The following C16orf46 variants were observed in gnomAD, a reference collection of about 807,000 sequenced individuals.
The protein encoded by C16orf46 is uncharacterized protein C16orf46.
C16orf46 carries 7 observed loss-of-function variants against 5.5 expected under a neutral mutation model. The ratio of observed to expected loss-of-function variants is 1.28; its 90% CI spans 0.73 to 2.40. The LOEUF is 2.40. Among genes scored for constraint, C16orf46 ranks in the 30% most tolerant of loss-of-function variants. The pLI, the probability that C16orf46 is intolerant of heterozygous loss-of-function variation, is 0.00. For missense variants in C16orf46, 614 were observed against 476.0 expected, an observed-to-expected ratio of 1.29 and a Z score of -2.70; for synonymous variants, 200 against 184.1, an observed-to-expected ratio of 1.09 and a Z score of -0.70.
At position 81,061,618 on chromosome 16, in the gene C16orf46, T is replaced by C; in HGVS notation, c.731A>G (p.Glu244Gly). The part of the protein sequence containing the change: ...LQSEEKVLDV[E>G]KDGCVAYAYG... ...TGCATAAGCCACACACCCATCCTTT[T>C]CCACATCCAGCACCTTCTCTTCTGA... Residue 244 changes from glutamate to glycine, a missense_variant, in exon 4 of 4, where the codon GAA (glutamate) becomes GGA (glycine). Physicochemically the swap from Glu to Gly is moderately conservative, Grantham distance 98 (BLOSUM62 -2). Coordinates refer to ENST00000299578, the MANE Select transcript of C16orf46 (RefSeq NM_152337.3). The C allele has an allele frequency of 6.2e-7, 1 of 1,614,210 alleles. No homozygotes were observed. Among genetic ancestry groups the C allele is most frequent in the Non-Finnish European group, 8.5e-7 (1 of 1,180,040 alleles).
chr16:81,055,757 T>C (rs1046697489), intron 3 of C16orf46, among the ~76,000 whole-genome samples: 4 of 152,146 alleles, frequency 2.6e-5, no homozygotes, highest in Admixed American at 2.6e-4. Flanking sequence ...TGTCGCTCTG[T>C]CACCCAAGCT....
At chr16:81,057,626 G>A (rs1971337895), downstream of C16orf46, among the ~76,000 whole-genome samples, 1 of 151,814 alleles carries the variant, frequency 6.6e-6, no homozygotes, top group Non-Finnish European at 1.5e-5. Flanking sequence ...ATTTCTTTAG[G>A]GTTTTTACCA....
Position 81,061,686 on chromosome 16 carries a change from A to C in C16orf46, c.663T>G (p.Ala221=), listed in dbSNP as rs1320887733. The C allele has an allele frequency of 6.2e-7, 1 of 1,614,058 alleles. No individual in the cohort carries two copies. Among genetic ancestry groups the C allele is most frequent in the Non-Finnish European group, 8.5e-7 (1 of 1,180,054 alleles). ...TACTCTTCTTACCCAGAACATCCAAAGCATTTGAAAGTGAAGCCTTCAGGG... is the reference window on the plus strand; with the variant it reads ...TACTCTTCTTACCCAGAACATCCAACGCATTTGAAAGTGAAGCCTTCAGGG... ...LPPLKASLSN[A]LDVLGKKSKN... Residue 221 remains alanine (A), a synonymous_variant, in exon 4 of 4, where the codon GCT becomes GCG. Transcript: ENST00000299578.
In C16orf46 at chr16:81,061,515, C is replaced by G; in HGVS notation, c.834G>C (p.Thr278=). ...GGGCCGCTGGGGAAGGGGAGGATGG[C>G]GTGTCGTTGACCATAGGGTGTTTGG... The part of the protein sequence containing the change: ...ELAKHPMVND[T]PSSPSPAAQI... The change falls in exon 4 of 4, where the codon ACG becomes ACC. Residue 278 remains threonine (T), a synonymous_variant. Transcript: ENST00000299578. 1 of 1,614,104 alleles carries G rather than the reference C, an allele frequency of 6.2e-7. No individual in the cohort carries two copies. Among genetic ancestry groups the G allele is most frequent in the Non-Finnish European group, 8.5e-7 (1 of 1,179,996 alleles).
At chr16:81,069,168 T>C (rs1165408349) in intron 1 of C16orf46, among the ~76,000 whole-genome samples, 4 of 152,212 alleles carry the variant, frequency 2.6e-5, no homozygotes, top group African/African-American at 9.7e-5. Flanking sequence ...CAGGCTCTTT[T>C]TGAAGAAGGC....
chr16:81,055,790 G>A (rs905355839), intron 3 of C16orf46, among the ~76,000 whole-genome samples: 2 of 152,212 alleles, frequency 1.3e-5, no homozygotes, highest in African/African-American at 2.4e-5. Context: ...TGGAATCTCA[G>A]CTCACTGCAA....
chr16:81,059,943 C>T (rs917172964), downstream of C16orf46, among the ~76,000 whole-genome samples: 2 of 152,056 alleles, frequency 1.3e-5, no homozygotes, highest in East Asian at 3.9e-4. Flanking sequence ...AGCCCGCCAC[C>T]ACGCCCGGCT....
At chr16:81,060,948 G>C (rs1971442364), downstream of C16orf46, 1 of 1,338,648 alleles carries the variant, frequency 7.5e-7, no homozygotes. Context: ...ACATGAATAT[G>C]GTGTTTTAGA....
chr16:81,058,722 A>T (rs999280094), downstream of C16orf46, among the ~76,000 whole-genome samples: 3 of 152,250 alleles, frequency 2.0e-5, no homozygotes, highest in Non-Finnish European at 4.4e-5. Flanking sequence ...GGAAAAACAC[A>T]GATCTCTGTT....
At chr16:81,053,836 C>A (rs755296934) in exon 4 of C16orf46, 11 of 473,040 alleles carry the variant, frequency 2.3e-5, no homozygotes, top group Admixed American at 3.5e-5. Context: ...CTGCATATAA[C>A]CTCTTTTTGG....
intron 3 of C16orf46, chr16:81,054,171 C>T: frequency 7.2e-7 from 1 of 1,394,746 alleles, no homozygotes; most frequent in Non-Finnish European, 1.0e-6. Context: ...GTCAATGCAT[C>T]TGAATTATGA....
downstream of C16orf46, among the ~76,000 whole-genome samples, chr16:81,059,336 A>C (rs1176863543): frequency 6.6e-6 from 1 of 151,524 alleles, no homozygotes; most frequent in Non-Finnish European, 1.5e-5. Flanking sequence ...AAAAAAAAAA[A>C]AAAAAACCCT....
intron 1 of C16orf46, among the ~76,000 whole-genome samples, chr16:81,075,888 T>C (rs1972022451): frequency 6.6e-6 from 1 of 152,124 alleles, no homozygotes; most frequent in South Asian, 2.1e-4. Context: ...CGCAAGCTGT[T>C]TATGTCAAAA....
At chr16:81,069,420 A>G (rs572480150) in intron 1 of C16orf46, among the ~76,000 whole-genome samples, 1 of 152,262 alleles carries the variant, frequency 6.6e-6, no homozygotes, top group South Asian at 2.1e-4. Flanking sequence ...GTCGTTGGAA[A>G]CCACAGCCAA....
intron 1 of C16orf46, among the ~76,000 whole-genome samples, chr16:81,074,080 C>G (rs1302935282): frequency 6.6e-6 from 1 of 152,180 alleles, no homozygotes. Flanking sequence ...TTCGAATGAT[C>G]TCAAATTAAG....
intron 2 of C16orf46, among the ~76,000 whole-genome samples, chr16:81,064,950 T>C (rs570447525): frequency 2.0e-5 from 3 of 152,246 alleles, no homozygotes; most frequent in Admixed American, 6.5e-5. Context: ...CTGTCGTACA[T>C]TGTCATGACG....
At chr16:81,073,657 T>C (rs1971931019) in intron 1 of C16orf46, among the ~76,000 whole-genome samples, 1 of 152,254 alleles carries the variant, frequency 6.6e-6, no homozygotes, top group African/African-American at 2.4e-5. Context: ...CGTAGTCTTC[T>C]AAAACAAACT....
rs1300012076 is a variant in C16orf46 at position 81,062,022 on chromosome 16, G to T, written c.327C>A (p.Ser109=). The T allele has an allele frequency of 5.6e-6, 9 of 1,613,788 alleles. No homozygotes were observed. The highest frequency in any genetic ancestry group is 7.6e-6 in the Non-Finnish European group (9 of 1,180,022). ...CSDCLVCVNL[S]HWSLQTKPPT... ...GAGGCTTGGTCTGGAGGCTCCAGTG[G>T]GAGAGGTTAACACACACCAAGCAGT... The change falls in exon 4 of 4, where the codon TCC becomes TCA. Residue 109 remains serine, a synonymous_variant. Coordinates refer to ENST00000299578, the MANE Select transcript of C16orf46 (RefSeq NM_152337.3).
chr16:81,060,458 G>A (rs945404144), downstream of C16orf46: 10 of 152,470 alleles, frequency 6.6e-5, no homozygotes, highest in African/African-American at 1.4e-4. Context: ...ACAGGCATGC[G>A]CCACCATGCC....
Sources: allele counts gnomAD v4.1 joint callset (sites outside exome capture counted in the v4.1 genomes callset), GRCh38; gene constraint gnomAD v4.1.1; transcripts MANE v1.5; gene names NCBI Gene and HGNC (gene_info 2026-07-23, HGNC 2026-07-21).